Variants in NELL2 observed in about 807,000 individuals in gnomAD.
The protein encoded by NELL2 is protein kinase C-binding protein NELL2.
A neutral mutation model predicts 109.6 loss-of-function variants in NELL2; 41 were observed. The ratio of observed to expected loss-of-function variants is 0.37; its 90% CI spans 0.29 to 0.49. The LOEUF (loss-of-function observed/expected upper bound fraction) is 0.49, where lower values mean the gene tolerates loss of function less well. Among genes scored for constraint, NELL2 ranks in the 20% least tolerant of loss-of-function variants. The pLI is 0.98. For missense variants in NELL2, 900 were observed against 1,008.3 expected (o/e 0.89, Z 1.45); for synonymous variants, 355 against 344.7 (o/e 1.03, Z -0.33).
intron 16 of NELL2, among the ~76,000 whole-genome samples, chr12:44,525,543 T>C (rs1941725269): frequency 7.9e-5 from 12 of 152,212 alleles, no homozygotes. Flanking sequence ...TAACTGGTGG[T>C]ATAGAATTTT....
chr12:44,875,382 A>G (rs780485910), intron 1 of NELL2, 29 bp from the exon 2 acceptor site: 1 of 1,613,996 alleles, frequency 6.2e-7, no homozygotes, highest in Non-Finnish European at 8.5e-7. Flanking sequence ...TGGGAGAGAG[A>G]AAAAGGAAAA....
chr12:44,817,245 G>C (rs1943384226), intron 2 of NELL2, among the ~76,000 whole-genome samples: 1 of 152,160 alleles, frequency 6.6e-6, no homozygotes, highest in Non-Finnish European at 1.5e-5. Flanking sequence ...AAGCAATGCA[G>C]CAGAAACTTA....
chr12:44,831,302 C>T (rs552288171), intron 2 of NELL2, among the ~76,000 whole-genome samples: 1 of 152,124 alleles, frequency 6.6e-6, no homozygotes, highest in Non-Finnish European at 1.5e-5. Flanking sequence ...ATTTCACGAA[C>T]AGATTACTCC....
chr12:44,902,695 G>A (rs895821900), intron 1 of NELL2, among the ~76,000 whole-genome samples: 13 of 151,990 alleles, frequency 8.6e-5, no homozygotes, highest in East Asian at 1.9e-4. Flanking sequence ...GTACTGGTAC[G>A]AAAACAGAGA....
intron 3 of NELL2, among the ~76,000 whole-genome samples, chr12:44,784,328 A>G (rs12314669): frequency 0.24 from 36,076 of 151,846 alleles, 4,561 homozygotes; most frequent in South Asian, 0.3. Context: ...AGAAGAGAAA[A>G]GAAAAGAAAA....
At chr12:44,617,501 A>T (rs1014252646) in intron 13 of NELL2, among the ~76,000 whole-genome samples, 1 of 110,114 alleles carries the variant, frequency 9.1e-6, no homozygotes, top group African/African-American at 5.6e-5. Flanking sequence ...TCCTGGCTAA[A>T]ACGGTGAAAC....
chr12:44,865,838 G>A (rs1298824185), intron 2 of NELL2, among the ~76,000 whole-genome samples: 5 of 114,128 alleles, frequency 4.4e-5, no homozygotes, highest in African/African-American at 9.5e-5. Context: ...AAAAAAAAAA[G>A]TTTTAACAAA....
chr12:44,817,335 A>G (rs780087072), intron 2 of NELL2, among the ~76,000 whole-genome samples: 1 of 152,210 alleles, frequency 6.6e-6, no homozygotes, highest in Non-Finnish European at 1.5e-5. Flanking sequence ...ACGATTTTAC[A>G]TAATGCTAAT....
At chr12:44,591,972 C>A (rs1218242911) in intron 15 of NELL2, among the ~76,000 whole-genome samples, 1 of 152,062 alleles carries the variant, frequency 6.6e-6, no homozygotes, top group African/African-American at 2.4e-5. Context: ...AAAATTGATA[C>A]AAACATGGGA....
intron 15 of NELL2, among the ~76,000 whole-genome samples, chr12:44,577,708 G>C (rs1263682497): frequency 6.6e-6 from 1 of 151,956 alleles, no homozygotes; most frequent in Non-Finnish European, 1.5e-5. Flanking sequence ...TCGATCTCCT[G>C]ACCTCGTGAT....
intron 13 of NELL2, among the ~76,000 whole-genome samples, chr12:44,615,617 A>T (rs1308235672): frequency 6.6e-6 from 1 of 151,980 alleles, no homozygotes; most frequent in East Asian, 1.9e-4. Context: ...TTCCCAATCT[A>T]TTCATTTTTT....
At chr12:44,779,432 T>C (rs1432730295) in intron 5 of NELL2, among the ~76,000 whole-genome samples, 1 of 152,216 alleles carries the variant, frequency 6.6e-6, no homozygotes, top group Non-Finnish European at 1.5e-5. Flanking sequence ...ACTGCCCTGA[T>C]TGCAGCCTTG....
At chr12:44,762,257 C>A (rs891526093) in intron 9 of NELL2, among the ~76,000 whole-genome samples, 2 of 152,108 alleles carry the variant, frequency 1.3e-5, no homozygotes, top group African/African-American at 2.4e-5. Context: ...GCCACTCTCC[C>A]AAATCCAGCT....
At chr12:44,604,614 C>T (rs1264603663) in intron 15 of NELL2, among the ~76,000 whole-genome samples, 1 of 152,100 alleles carries the variant, frequency 6.6e-6, no homozygotes, top group East Asian at 1.9e-4. Flanking sequence ...AAATAAGATA[C>T]ATCCTGTACC....
chr12:44,591,337 G>A (rs1306901401), intron 15 of NELL2, among the ~76,000 whole-genome samples: 1 of 152,130 alleles, frequency 6.6e-6, no homozygotes, highest in East Asian at 1.9e-4. Flanking sequence ...CATGTTTACT[G>A]CAGCACTATT....
chr12:44,522,094 G>T lies in NELL2; in HGVS notation c.2081C>A (p.Pro694Gln), dbSNP rs1366884586. 6.2e-7 allele frequency: 1 copy of T among 1,613,866 alleles called. No homozygotes were observed. The highest frequency in any genetic ancestry group is 1.7e-5 in the Admixed American group (1 of 59,986). The change falls in exon 18 of 20, where the codon CCA (proline) becomes CAA (glutamine). Residue 694 changes from proline (P) to glutamine (Q), a missense_variant. Around this residue, in one of 4 missense-constraint regions of NELL2, gnomAD observed 333 missense variants for 432.3 expected, o/e 0.77. Coordinates refer to ENST00000429094, the MANE Select transcript of NELL2 (RefSeq NM_001145108.2). ...ATGGAGGCACTGACTACTAAGCCTT[G>T]GGTCACATTCAGGGCAGCAAAAAAG... ...VDLFCCPECDPRLSSQCLHQN... is the reference protein window; with the variant it reads ...VDLFCCPECDQRLSSQCLHQN...
chr12:44,646,226 C>A (rs1947090758), intron 13 of NELL2, among the ~76,000 whole-genome samples: 1 of 152,104 alleles, frequency 6.6e-6, no homozygotes, highest in Non-Finnish European at 1.5e-5. Flanking sequence ...TATTACTTTC[C>A]TTCCCATTTT....
At chr12:44,641,976 C>T (rs1322966348) in intron 13 of NELL2, among the ~76,000 whole-genome samples, 1 of 152,100 alleles carries the variant, frequency 6.6e-6, no homozygotes, top group African/African-American at 2.4e-5. Context: ...GGATTATAGG[C>T]ATAAGCCAGC....
In NELL2 at chr12:44,840,711, G is replaced by C. The variant is rs76003879; in HGVS notation, c.185-24575C>G. ...ACCCAGAGTAAGCAAAGAAACATAG[G>C]CATTTCCTAACCACAGAAATTTCAA... On this transcript the variant is annotated intron_variant, in intron 2 of 19. Coordinates refer to ENST00000429094, the MANE Select transcript of NELL2 (RefSeq NM_001145108.2). Among the ~76,000 whole-genome samples, 1,497 of 151,896 alleles carry C rather than the reference G, an allele frequency of 9.9e-3. 27 individuals are homozygous for C. Among genetic ancestry groups the C allele is most frequent in the African/African-American group, 0.034 (1,397 of 41,430 alleles).
Sources: gnomAD v4.1 joint callset for allele counts (sites outside exome capture counted in the v4.1 genomes callset) on GRCh38, gnomAD v4.1.1 for gene constraint, gnomAD v4.1.1 regional missense constraint, MANE v1.5 for transcripts, NCBI Gene and HGNC (gene_info 2026-07-23, HGNC 2026-07-21) for gene names.